Variants in DLGAP2 observed in about 807,000 individuals in gnomAD.
DLGAP2 encodes the protein DLG associated protein 2.
A neutral mutation model predicts 100.3 loss-of-function variants in DLGAP2; 26 were observed. That is an observed-to-expected ratio of 0.26 (90% CI 0.19 to 0.36). The LOEUF is 0.36. Ranked by LOEUF, DLGAP2 falls within the 10% of genes least tolerant of loss-of-function variation. DLGAP2 has a pLI of 1.00. For synonymous variants in DLGAP2, 886 were observed against 630.1 expected, an observed-to-expected ratio of 1.41 and a Z score of -6.08; for missense variants, 1,858 against 1,453.2, an observed-to-expected ratio of 1.28 and a Z score of -4.53.
intron 2 of DLGAP2, among the ~76,000 whole-genome samples, chr8:1,044,726 C>T (rs1477640562): frequency 6.6e-6 from 1 of 152,230 alleles, no homozygotes; most frequent in East Asian, 1.9e-4. Context: ...CTCCTTGCCA[C>T]ATTTCAGCTC....
At chr8:913,879 C>T (rs941497598) in intron 2 of DLGAP2, among the ~76,000 whole-genome samples, 2 of 152,194 alleles carry the variant, frequency 1.3e-5, no homozygotes, top group African/African-American at 2.4e-5. Context: ...ACGTGGGAGC[C>T]GAAAGATGGG....
chr8:1,487,234 CA>C (rs1358592628), intron 3 of DLGAP2, among the ~76,000 whole-genome samples: 1 of 152,184 alleles, frequency 6.6e-6, no homozygotes, highest in Admixed American at 6.5e-5. Flanking sequence ...CATTTTTTAA[CA>C]AATGCCATTC....
chr8:1,290,827 G>A (rs559964339), intron 3 of DLGAP2, among the ~76,000 whole-genome samples: 3 of 152,320 alleles, frequency 2.0e-5, no homozygotes, highest in African/African-American at 7.2e-5. Flanking sequence ...GTGTAAGGTG[G>A]TGTTTTAAAG....
At chr8:893,938 G>A (rs144684500) in intron 1 of DLGAP2, among the ~76,000 whole-genome samples, 92 of 152,344 alleles carry the variant, frequency 6.0e-4, no homozygotes, top group African/African-American at 2.2e-3. Context: ...GAGGTTCGGC[G>A]TCTCCGAGTA....
At chr8:853,512 G>C (rs1446340377) in intron 1 of DLGAP2, among the ~76,000 whole-genome samples, 1 of 152,146 alleles carries the variant, frequency 6.6e-6, no homozygotes, top group Non-Finnish European at 1.5e-5. Context: ...GGAATGATGG[G>C]GATCCCCCAC....
At chr8:1,178,964 C>T (rs1057397957) in intron 2 of DLGAP2, among the ~76,000 whole-genome samples, 13 of 150,220 alleles carry the variant, frequency 8.7e-5, no homozygotes, top group South Asian at 2.2e-4. Context: ...GCCCTGGTCT[C>T]GTCTCCAGTT....
At position 1,641,915 on chromosome 8, in the gene DLGAP2, G is replaced by GTCCCCACCTGTGTCA. The variant is rs1363809109; in HGVS notation, c.1810+8869_1810+8870insTCCCCACCTGTGTCA. On this transcript the variant is annotated intron_variant, in intron 8 of 14. Transcript: ENST00000637795. ...ACCTGTGTCACCCTCGACCCCGCCG[G>GTCCCCACCTGTGTCA]CCCTCACCTGTGTCACCCTCGACCC... Among the ~76,000 whole-genome samples, 59 of 132,976 alleles carry GTCCCCACCTGTGTCA rather than the reference G, an allele frequency of 4.4e-4. 2 individuals carry two copies. The highest frequency in any genetic ancestry group is 1.5e-3 in the African/African-American group (51 of 33,730). 87.2% of individuals were successfully genotyped at this position (132,976 alleles called of 152,430 possible).
intron 3 of DLGAP2, among the ~76,000 whole-genome samples, chr8:1,491,397 T>TTCGGGCTGCTCCCCCGATCC (rs1799383133): frequency 1.6e-4 from 24 of 149,572 alleles, no homozygotes; most frequent in African/African-American, 5.9e-4. Flanking sequence ...CCCCCTGACC[T>TTCGGGCTGCTCCCCCGATCC]CGGAGGCTTC....
intron 2 of DLGAP2, among the ~76,000 whole-genome samples, chr8:960,478 G>T (rs972732927): frequency 1.5e-4 from 22 of 151,712 alleles, no homozygotes; most frequent in African/African-American, 4.1e-4. Flanking sequence ...CAGGCAATCC[G>T]TCTGCCTTGG....
At chr8:1,182,147 C>T (rs1797402754) in intron 2 of DLGAP2, among the ~76,000 whole-genome samples, 1 of 152,234 alleles carries the variant, frequency 6.6e-6, no homozygotes, top group South Asian at 2.1e-4. Flanking sequence ...GGTGGCGAGT[C>T]ATGTGTGGCT....
intron 3 of DLGAP2, among the ~76,000 whole-genome samples, chr8:1,391,038 C>A (rs547915875): frequency 2.0e-5 from 3 of 152,266 alleles, no homozygotes; most frequent in African/African-American, 7.2e-5. Context: ...GGAACACGTG[C>A]CTTGGGTGAA....
intron 3 of DLGAP2, among the ~76,000 whole-genome samples, chr8:1,314,698 C>G (rs935271152): frequency 6.6e-6 from 1 of 152,196 alleles, no homozygotes; most frequent in Non-Finnish European, 1.5e-5. Flanking sequence ...GGCCCCTCTC[C>G]CACCCCTATC....
At chr8:1,534,208 A>G (rs1296528856) in intron 4 of DLGAP2, among the ~76,000 whole-genome samples, 1 of 152,244 alleles carries the variant, frequency 6.6e-6, no homozygotes, top group Non-Finnish European at 1.5e-5. Flanking sequence ...AAGGAAACTC[A>G]GGAAGATATT....
intron 2 of DLGAP2, among the ~76,000 whole-genome samples, chr8:1,110,129 GCCTGTGATGTGTA>G: frequency 1.4e-5 from 2 of 142,716 alleles, no homozygotes; most frequent in African/African-American, 5.3e-5. Flanking sequence ...GTGTGCACGT[GCCTGTGATGTGTA>G]CTGTATCTGT....
chr8:1,599,464 A>C (rs900808860), intron 6 of DLGAP2, among the ~76,000 whole-genome samples: 2 of 152,236 alleles, frequency 1.3e-5, no homozygotes, highest in Non-Finnish European at 2.9e-5. Context: ...TGAGGTGTGA[A>C]AGTCTCCCAT....
At chr8:1,052,871 A>T (rs1190757397) in intron 2 of DLGAP2, among the ~76,000 whole-genome samples, 1 of 152,238 alleles carries the variant, frequency 6.6e-6, no homozygotes, top group African/African-American at 2.4e-5. Flanking sequence ...GCTGCAATCC[A>T]TACCTGTAAT....
intron 3 of DLGAP2, among the ~76,000 whole-genome samples, chr8:1,408,879 G>T (rs374505747): frequency 1.3e-5 from 2 of 152,328 alleles, no homozygotes. Context: ...AAGCTGGGCA[G>T]TGGTGGTCCA....
intron 4 of DLGAP2, among the ~76,000 whole-genome samples, chr8:1,520,026 G>A (rs1211542666): frequency 6.6e-6 from 1 of 152,202 alleles, no homozygotes; most frequent in Non-Finnish European, 1.5e-5. Flanking sequence ...GGCCATCGCT[G>A]TTGGCTGCAT....
At position 914,505 on chromosome 8, in the gene DLGAP2, G is replaced by A. The variant is rs907810275; in HGVS notation, c.73+6539G>A. Among the ~76,000 whole-genome samples the A allele has an allele frequency of 5.3e-5, 8 of 152,226 alleles. 1 individual carries two copies. Among genetic ancestry groups the A allele is most frequent in the African/African-American group, 1.9e-4 (8 of 41,452 alleles). On this transcript the variant is annotated intron_variant, in intron 2 of 14. Coordinates refer to ENST00000637795, the MANE Select transcript of DLGAP2 (RefSeq NM_001346810.2). ...ACAGGTCTTTTATTTCATGAGGCTT[G>A]CTTCTAGCATGGATGCTGTCTTTGT... is the stretch of plus-strand genomic sequence containing the variant.
Sources: allele counts gnomAD v4.1 joint callset (sites outside exome capture counted in the v4.1 genomes callset), GRCh38; gene constraint gnomAD v4.1.1; transcripts MANE v1.5; gene names NCBI Gene and HGNC (gene_info 2026-07-23, HGNC 2026-07-21).